The following ELMO1 variants were observed in gnomAD, a reference collection of about 807,000 sequenced individuals.
The protein encoded by ELMO1 is engulfment and cell motility 1.
A neutral mutation model predicts 98.9 loss-of-function variants in ELMO1; 26 were observed. The ratio of observed to expected loss-of-function variants is 0.26; its 90% confidence interval spans 0.19 to 0.36. The LOEUF (loss-of-function observed/expected upper bound fraction) is 0.36, where lower values mean the gene tolerates loss of function less well. Among genes scored for constraint, ELMO1 ranks in the 10% least tolerant of loss-of-function variants. The pLI is 1.00. For missense variants in ELMO1, 627 were observed against 935.2 expected, an observed-to-expected ratio of 0.67 and a Z score of 4.30; for synonymous variants, 346 against 346.0, an observed-to-expected ratio of 1.00 and a Z score of 0.00.
intron 13 of ELMO1, among the ~76,000 whole-genome samples, chr7:37,151,207 C>A (rs1486991583): frequency 6.6e-6 from 1 of 152,222 alleles, no homozygotes; most frequent in Non-Finnish European, 1.5e-5. Context: ...TGGGTTTGGG[C>A]CCCTCCAGGG....
At chr7:37,050,671 A>T (rs1170861018) in intron 15 of ELMO1, among the ~76,000 whole-genome samples, 1 of 150,124 alleles carries the variant, frequency 6.7e-6, no homozygotes. Context: ...AAAGGTAACT[A>T]TGTGAAATAA....
chr7:37,412,045 A>AC (rs1804013216), intron 1 of ELMO1, among the ~76,000 whole-genome samples: 1 of 151,992 alleles, frequency 6.6e-6, no homozygotes, highest in Non-Finnish European at 1.5e-5. Context: ...CACACACAAA[A>AC]ACACACACAC....
chr7:37,173,572 G>C (rs1019184010), intron 13 of ELMO1, among the ~76,000 whole-genome samples: 4 of 152,198 alleles, frequency 2.6e-5, no homozygotes, highest in Non-Finnish European at 5.9e-5. Flanking sequence ...AACTAAATAA[G>C]TGAGCCTAAA....
At chr7:37,213,591 G>A in intron 11 of ELMO1, 134 bp from the exon 12 acceptor site, 2 of 763,324 alleles carry the variant, frequency 2.6e-6, no homozygotes, top group Non-Finnish European at 3.9e-6. Context: ...AGGGCACAGG[G>A]AATTTCAGAG....
rs149414771 is a variant in ELMO1 at position 37,372,930 on chromosome 7, T to G, written c.-73-30167A>C. Among the ~76,000 whole-genome samples, 7 of 152,330 alleles carry G rather than the reference T, an allele frequency of 4.6e-5. No individual in the cohort carries two copies. In the East Asian group the frequency reaches 1.4e-3, roughly 29 times the overall value. On this transcript the variant is annotated intron_variant, in intron 1 of 21. Coordinates refer to ENST00000310758, the MANE Select transcript of ELMO1 (RefSeq NM_014800.11). Reference sequence around the variant, plus strand: ...CTCTTCCAGTCAGACAGGCTCTTAATGATGGTAAATGAAGCCAGAACCAGC... The same window carrying G: ...CTCTTCCAGTCAGACAGGCTCTTAAGGATGGTAAATGAAGCCAGAACCAGC...
At chr7:37,420,576 C>T (rs936166303) in intron 1 of ELMO1, among the ~76,000 whole-genome samples, 3 of 152,194 alleles carry the variant, frequency 2.0e-5, no homozygotes, top group South Asian at 4.1e-4. Context: ...GCCTTTCCTG[C>T]GTGTGCCACA....
intron 20 of ELMO1, among the ~76,000 whole-genome samples, chr7:36,866,463 C>T (rs754694434): frequency 3.3e-5 from 5 of 152,226 alleles, no homozygotes; most frequent in Admixed American, 3.3e-4. Flanking sequence ...CCCATGCTGA[C>T]TGAGTGGATG....
At chr7:37,437,444 A>G (rs1311327201) in intron 1 of ELMO1, among the ~76,000 whole-genome samples, 1 of 152,246 alleles carries the variant, frequency 6.6e-6, no homozygotes, top group East Asian at 1.9e-4. Context: ...ACAGTCAATC[A>G]TAACTCATCC....
chr7:37,086,765 A>AAG lies in ELMO1; in HGVS notation c.1300+9853_1300+9854insCT, dbSNP rs1491293564. ...CTCCAAAAAAAAAAAAAAAAAAAAA[A>AAG]GAAATCTTTGAACTTTCTTGCCAAA... On this transcript the variant is annotated intron_variant, in intron 15 of 21. Transcript: ENST00000310758. 4.7e-3 allele frequency among the ~76,000 whole-genome samples: 675 copies of AAG among 142,440 alleles called. 4 individuals are homozygous for AAG. Among genetic ancestry groups the AAG allele is most frequent in the Middle Eastern group, 7.8e-3 (2 of 258 alleles). The allele number at this position is 142,440 out of a possible 152,430, so 93.4% of individuals were successfully genotyped here. A position where few individuals can be genotyped will look rare whatever the true frequency, so the allele number is the denominator to read the frequency against.
At chr7:37,096,315 A>ATT (rs547747089) in intron 15 of ELMO1, among the ~76,000 whole-genome samples, 3 of 148,382 alleles carry the variant, frequency 2.0e-5, no homozygotes, top group African/African-American at 7.8e-5. Context: ...AAATCCATAG[A>ATT]TTTTTTTTTC....
At chr7:37,313,737 C>T (rs775805231) in intron 4 of ELMO1, among the ~76,000 whole-genome samples, 8 of 152,222 alleles carry the variant, frequency 5.3e-5, no homozygotes, top group Admixed American at 1.3e-4. Context: ...AAGTAGAACC[C>T]TTGTTACTGC....
intron 15 of ELMO1, among the ~76,000 whole-genome samples, chr7:37,086,759 A>AAG (rs573265250): frequency 0.12 from 15,422 of 127,842 alleles, 1,208 homozygotes; most frequent in African/African-American, 0.23. Flanking sequence ...AAAAAAAAAA[A>AAG]AAAAAAGAAA....
At chr7:36,866,175 C>T (rs764093512) in intron 20 of ELMO1, among the ~76,000 whole-genome samples, 8 of 152,232 alleles carry the variant, frequency 5.3e-5, no homozygotes, top group Non-Finnish European at 1.0e-4. Flanking sequence ...TTAAAGCACA[C>T]AGCCACAAAT....
intron 16 of ELMO1, among the ~76,000 whole-genome samples, chr7:36,898,684 G>A (rs969731780): frequency 1.3e-5 from 2 of 152,272 alleles, no homozygotes; most frequent in South Asian, 4.1e-4. Context: ...GAGGCTCCAC[G>A]TGCTCCTTGT....
chr7:37,332,425 T>C (rs1800181168), intron 2 of ELMO1, among the ~76,000 whole-genome samples: 1 of 152,192 alleles, frequency 6.6e-6, no homozygotes, highest in Non-Finnish European at 1.5e-5. Flanking sequence ...GAGCATCACG[T>C]AGTGATTACA....
chr7:37,075,077 C>A (rs1797494781), intron 15 of ELMO1, among the ~76,000 whole-genome samples: 1 of 152,082 alleles, frequency 6.6e-6, no homozygotes. Context: ...TAACACTTAG[C>A]CAGCCATTTC....
At chr7:37,329,638 T>C (rs1444356843) in intron 2 of ELMO1, among the ~76,000 whole-genome samples, 3 of 152,174 alleles carry the variant, frequency 2.0e-5, no homozygotes, top group Admixed American at 6.5e-5. Flanking sequence ...CCTGTACCCC[T>C]CTGTAAGGTG....
chr7:36,911,207 G>A (rs1194089558), intron 16 of ELMO1, among the ~76,000 whole-genome samples: 1 of 152,176 alleles, frequency 6.6e-6, no homozygotes, highest in South Asian at 2.1e-4. Context: ...CAAGCAGGGT[G>A]CTGAGACATT....
At chr7:37,318,912 T>C (rs1799344011) in intron 2 of ELMO1, among the ~76,000 whole-genome samples, 3 of 152,222 alleles carry the variant, frequency 2.0e-5, no homozygotes, top group Non-Finnish European at 4.4e-5. Flanking sequence ...AGAGCTTCTA[T>C]GATATAGCGC....
Sources: allele counts gnomAD v4.1 joint callset (sites outside exome capture counted in the v4.1 genomes callset), GRCh38; gene constraint gnomAD v4.1.1; transcripts MANE v1.5; gene names NCBI Gene and HGNC (gene_info 2026-07-23, HGNC 2026-07-21).